Variants in SDK1 observed in about 807,000 individuals in gnomAD.
SDK1 encodes the protein sidekick cell adhesion molecule 1, also known as protein sidekick-1.
SDK1 carries 157 observed loss-of-function variants against 245.5 expected under a neutral mutation model. The observed-to-expected ratio is 0.64, with a 90% confidence interval of 0.56 to 0.73. The LOEUF (loss-of-function observed/expected upper bound fraction) is 0.73, where lower values mean the gene tolerates loss of function less well. Among genes scored for constraint, SDK1 ranks in the 30% least tolerant of loss-of-function variants. SDK1 has a pLI of 0.00. For synonymous variants in SDK1, 1,647 were observed against 1,278.5 expected, an observed-to-expected ratio of 1.29 and a Z score of -6.15; for missense variants, 3,583 against 3,002.3, an observed-to-expected ratio of 1.19 and a Z score of -4.52.
chr7:3,663,007 C>G (rs1478166177), intron 4 of SDK1, among the ~76,000 whole-genome samples: 1 of 152,122 alleles, frequency 6.6e-6, no homozygotes, highest in Non-Finnish European at 1.5e-5. Flanking sequence ...TGCATGCATG[C>G]ATAGATGTGT....
intron 2 of SDK1, among the ~76,000 whole-genome samples, chr7:3,638,578 G>C (rs1339620563): frequency 7.2e-6 from 1 of 138,898 alleles, no homozygotes; most frequent in Non-Finnish European, 1.5e-5. Flanking sequence ...GGTGGGAATT[G>C]AACAGTGAGA....
intron 1 of SDK1, among the ~76,000 whole-genome samples, chr7:3,514,274 G>T (rs1406816917): frequency 1.3e-5 from 2 of 152,132 alleles, no homozygotes; most frequent in African/African-American, 4.8e-5. Flanking sequence ...ATGTTGTACA[G>T]TCTCCTGTTA....
At chr7:3,623,093 C>G (rs966377666) in intron 2 of SDK1, among the ~76,000 whole-genome samples, 27 of 152,108 alleles carry the variant, frequency 1.8e-4, no homozygotes, top group Admixed American at 1.6e-3. Context: ...TAACAGGACC[C>G]TTATTTTTCC....
At chr7:3,306,502 G>A (rs1779420661) in intron 1 of SDK1, among the ~76,000 whole-genome samples, 2 of 152,186 alleles carry the variant, frequency 1.3e-5, no homozygotes, top group Admixed American at 1.3e-4. Flanking sequence ...TAAAGGAGGT[G>A]GAGTTTGTAA....
chr7:3,608,403 A>G (rs369971801), intron 1 of SDK1, among the ~76,000 whole-genome samples: 4 of 152,184 alleles, frequency 2.6e-5, no homozygotes, highest in Non-Finnish European at 5.9e-5. Flanking sequence ...AAACTATGGT[A>G]ATTTAGACTT....
At chr7:4,043,006 T>C (rs566276989) in intron 17 of SDK1, among the ~76,000 whole-genome samples, 81 of 152,360 alleles carry the variant, frequency 5.3e-4, no homozygotes, top group African/African-American at 1.9e-3. Context: ...GAAAGGAAAC[T>C]GAGGCTTTAG....
At chr7:4,023,072 C>T (rs1787051597) in intron 17 of SDK1, among the ~76,000 whole-genome samples, 2 of 152,132 alleles carry the variant, frequency 1.3e-5, no homozygotes, top group South Asian at 4.1e-4. Context: ...ACACGCCCGG[C>T]CCTTGTTTTT....
At chr7:4,116,148 G>T (rs895839185) in intron 25 of SDK1, among the ~76,000 whole-genome samples, 18 of 152,180 alleles carry the variant, frequency 1.2e-4, no homozygotes, top group African/African-American at 4.3e-4. Flanking sequence ...TGGTGCCGAG[G>T]TGGGAGGGCA....
chr7:3,994,641 CA>C (rs58677753), intron 14 of SDK1, among the ~76,000 whole-genome samples: 14,096 of 88,930 alleles, frequency 0.16, 677 homozygotes, highest in Middle Eastern at 0.26. Flanking sequence ...GACTTCATCT[CA>C]AAAAAAAAAA....
intron 4 of SDK1, among the ~76,000 whole-genome samples, chr7:3,776,563 GA>G (rs1389303157): frequency 2.6e-5 from 4 of 152,216 alleles, no homozygotes; most frequent in African/African-American, 9.6e-5. Flanking sequence ...AGGCGTAAAT[GA>G]AGATAGTATG....
chr7:3,728,377 A>G lies in SDK1; in HGVS notation c.713+86272A>G, dbSNP rs528484075. Among the ~76,000 whole-genome samples, 60 of 152,318 alleles carry G rather than the reference A, an allele frequency of 3.9e-4. 1 individual carries two copies. In the South Asian group the frequency reaches 0.012, roughly 29 times the overall value. On this transcript the variant is annotated intron_variant, in intron 4 of 44. Transcript: ENST00000404826. ...ATGTTTCACCACAGACATAATTTCA[A>G]ATAGCCCAGTTATTGAGAATTGCAT...
At chr7:4,054,175 A>C (rs1779060667) in intron 19 of SDK1, among the ~76,000 whole-genome samples, 1 of 152,162 alleles carries the variant, frequency 6.6e-6, no homozygotes, top group Admixed American at 6.5e-5. Flanking sequence ...TCCTGACCTC[A>C]GGTGATCCGC....
At chr7:3,350,618 G>A (rs1780634430) in intron 1 of SDK1, among the ~76,000 whole-genome samples, 1 of 152,188 alleles carries the variant, frequency 6.6e-6, no homozygotes, top group Non-Finnish European at 1.5e-5. Flanking sequence ...CCATGATAGA[G>A]CCTTTGGGCC....
chr7:3,571,876 C>T (rs1014936545), intron 1 of SDK1, among the ~76,000 whole-genome samples: 3 of 151,980 alleles, frequency 2.0e-5, no homozygotes, highest in Non-Finnish European at 4.4e-5. Flanking sequence ...AAAAGCTAAT[C>T]GGTATATTTC....
chr7:4,056,277 G>A (rs971729109), intron 19 of SDK1, among the ~76,000 whole-genome samples: 5 of 151,956 alleles, frequency 3.3e-5, no homozygotes, highest in African/African-American at 9.7e-5. Flanking sequence ...AAGACTGAAG[G>A]TAGGGTTGAA....
intron 1 of SDK1, among the ~76,000 whole-genome samples, chr7:3,402,762 T>A (rs891195239): frequency 6.6e-6 from 1 of 152,216 alleles, no homozygotes; most frequent in South Asian, 2.1e-4. Context: ...GTTGCAATAT[T>A]TTTGAGTCTA....
Position 4,245,758 on chromosome 7 carries a change from G to C in SDK1, c.6334G>C (p.Glu2112Gln). The change falls in exon 44 of 45, where the codon GAG becomes CAG. Residue 2112 changes from glutamate to glutamine, a missense_variant. Glu to Gln is a conservative substitution (Grantham distance 29). Transcript: ENST00000404826. ...CNKYNGAVLT[E>Q]SVSLKEKSAD... ...CAAGTACAACGGCGCCGTGCTGACC[G>C]AGAGCGTGAGCCTCAAGGAGAAGTC... The C allele has an allele frequency of 6.2e-6, 10 of 1,614,000 alleles. No homozygotes were observed. Among genetic ancestry groups the C allele is most frequent in the Non-Finnish European group, 8.5e-6 (10 of 1,179,968 alleles).
At chr7:4,009,096 A>G (rs547886433) in intron 14 of SDK1, among the ~76,000 whole-genome samples, 26 of 152,322 alleles carry the variant, frequency 1.7e-4, no homozygotes, top group African/African-American at 5.8e-4. Flanking sequence ...TCTTTTCATA[A>G]TAGCCACCCT....
At chr7:3,575,399 C>G (rs1266720872) in intron 1 of SDK1, among the ~76,000 whole-genome samples, 1 of 151,986 alleles carries the variant, frequency 6.6e-6, no homozygotes, top group Non-Finnish European at 1.5e-5. Context: ...TCTCCAAAGG[C>G]CATCACATCA....
Sources: gnomAD v4.1 joint callset for allele counts (sites outside exome capture counted in the v4.1 genomes callset) on GRCh38, gnomAD v4.1.1 for gene constraint, MANE v1.5 for transcripts, NCBI Gene and HGNC (gene_info 2026-07-23, HGNC 2026-07-21) for gene names.